NRAP: variants seen among roughly 807,000 people sequenced by gnomAD.
The protein encoded by NRAP is nebulin-related-anchoring protein.
Under a neutral mutation model 225.9 loss-of-function variants are expected in NRAP, and 189 were observed. That is an observed-to-expected ratio of 0.84 (90% CI 0.74 to 0.94). The LOEUF (loss-of-function observed/expected upper bound fraction) is 0.94, where lower values mean the gene tolerates loss of function less well. Among genes scored for constraint, NRAP ranks in the 40% least tolerant of loss-of-function variants. The pLI, the probability that NRAP is intolerant of heterozygous loss-of-function variation, is 0.00. For synonymous variants in NRAP, 769 were observed against 790.7 expected, an observed-to-expected ratio of 0.97 and a Z score of 0.46; for missense variants, 2,176 against 2,168.7, an observed-to-expected ratio of 1.00 and a Z score of -0.07.
intron 9 of NRAP, among the ~76,000 whole-genome samples, chr10:113,648,100 T>C (rs1849690251): frequency 6.6e-6 from 1 of 152,116 alleles, no homozygotes; most frequent in Admixed American, 6.5e-5. Flanking sequence ...AAACAGCCCA[T>C]ATGGTGCCCT....
intron 32 of NRAP, 26 bp downstream of exon 32, chr10:113,608,388 A>G: frequency 6.9e-7 from 1 of 1,451,154 alleles, no homozygotes; most frequent in Non-Finnish European, 9.6e-7. Flanking sequence ...TAAAAAGACC[A>G]TTCCAAAGCC....
chr10:113,637,392 C>T (rs1442804236), intron 14 of NRAP, among the ~76,000 whole-genome samples: 2 of 152,206 alleles, frequency 1.3e-5, no homozygotes, highest in Non-Finnish European at 2.9e-5. Flanking sequence ...CGCAAGGTGG[C>T]TCTATACCTA....
At chr10:113,597,395 T>C (rs1345302560) in intron 36 of NRAP, among the ~76,000 whole-genome samples, 3 of 152,118 alleles carry the variant, frequency 2.0e-5, no homozygotes, top group Non-Finnish European at 4.4e-5. Context: ...TTTACTCTCT[T>C]GAAGAGAGAG....
chr10:113,596,970 G>C (rs1324947659), intron 37 of NRAP, 116 bp downstream of exon 37: 4 of 709,106 alleles, frequency 5.6e-6, no homozygotes, highest in Non-Finnish European at 1.0e-5. Flanking sequence ...AGATCATCCA[G>C]GTAGTAGAAA....
In NRAP at chr10:113,597,896, TA is replaced by T; in HGVS notation, c.4332+72del. 3.5e-6 allele frequency: 4 copies of T among 1,132,690 alleles called. No individual in the cohort carries two copies. In the Admixed American group the frequency reaches 6.7e-5, roughly 19 times the overall value. The allele number at this position is 1,132,690 out of a possible 1,614,324, so 70.2% of individuals were successfully genotyped here. ...GAGGTCCTTTGGGTTCTCCACTCCA[TA>T]AACAGATTCCCTCTTCAAAAGGAAA... On this transcript the variant is annotated intron_variant, in intron 36 of 41. Transcript: ENST00000359988.
intron 35 of NRAP, among the ~76,000 whole-genome samples, chr10:113,598,301 CA>C (rs1383822069): frequency 2.7e-5 from 4 of 148,064 alleles, no homozygotes; most frequent in Non-Finnish European, 5.9e-5. Context: ...AAGGTCCCAC[CA>C]GTGAATTGGC....
At chr10:113,622,801 C>T (rs1848075937) in intron 23 of NRAP, among the ~76,000 whole-genome samples, 1 of 152,208 alleles carries the variant, frequency 6.6e-6, no homozygotes, top group Non-Finnish European at 1.5e-5. Flanking sequence ...CAAGTGCATC[C>T]ACAGACCAGT....
chr10:113,607,462 A>G (rs1847065132), intron 32 of NRAP, among the ~76,000 whole-genome samples: 1 of 150,724 alleles, frequency 6.6e-6, no homozygotes, highest in Non-Finnish European at 1.5e-5. Context: ...AAAGAAAAAG[A>G]AAAAAAGAAA....
At position 113,640,274 on chromosome 10, in the gene NRAP, G is replaced by A; in HGVS notation, c.1381C>T (p.Leu461Phe). The A allele has an allele frequency of 1.2e-6, 2 of 1,605,076 alleles. No individual in the cohort carries two copies. Among genetic ancestry groups the A allele is most frequent in the Non-Finnish European group, 1.7e-6 (2 of 1,176,088 alleles). The part of the protein sequence containing the change: ...DIVDYNYPAT[L>F]TPSYQTAMKL... ...ATAGCTGTTTGATAGGAAGGCGTGA[G>A]AGTGGCTGGGTAGTTGTAGTCGACA... Residue 461 changes from leucine (L) to phenylalanine (F), a missense_variant, in exon 14 of 42, where the codon CTC becomes TTC. Physicochemically the swap from Leu to Phe is conservative, Grantham distance 22. Coordinates refer to ENST00000359988, the MANE Select transcript of NRAP (RefSeq NM_198060.4).
chr10:113,618,930 A>T (rs1847823116), intron 25 of NRAP, among the ~76,000 whole-genome samples: 1 of 152,148 alleles, frequency 6.6e-6, no homozygotes, highest in Non-Finnish European at 1.5e-5. Context: ...TGGTTAACAG[A>T]ACAAGACTCC....
At position 113,624,855 on chromosome 10, in the gene NRAP, C is replaced by T. The variant is rs1175665147; in HGVS notation, c.2320G>A (p.Ala774Thr). Residue 774 changes from alanine (A) to threonine (T), a missense_variant, in exon 22 of 42, where the codon GCC (alanine) becomes ACC (threonine). By Grantham distance (58) the Ala-to-Thr change is moderately conservative. Coordinates refer to ENST00000359988, the MANE Select transcript of NRAP (RefSeq NM_198060.4). ...ISKDEPLFLQ[A>T]RANAANLSEK... The stretch of plus-strand genomic sequence containing the variant: ...CTGAGATTTGCAGCATTGGCTCGGG[C>T]CTGCAGGAAGAGAGGCTCGTCTTTG... 4 of 1,613,964 alleles carry T rather than the reference C, an allele frequency of 2.5e-6. No homozygotes were observed. The highest frequency in any genetic ancestry group is 2.5e-6 in the Non-Finnish European group (3 of 1,179,950).
At position 113,604,788 on chromosome 10, in the gene NRAP, C is replaced by T; in HGVS notation, c.4048G>A (p.Ala1350Thr). The T allele has an allele frequency of 1.2e-6, 2 of 1,614,138 alleles. No homozygotes were observed. The highest frequency in any genetic ancestry group is 1.3e-5 in the African/African-American group (1 of 75,036). Residue 1350 changes from alanine (A) to threonine (T), a missense_variant, in exon 35 of 42, where the codon GCG becomes ACG. Physicochemically the swap from Ala to Thr is moderately conservative, Grantham distance 58. Around this residue, in one of 3 missense-constraint regions of NRAP, gnomAD observed 1,708 missense variants for 1,695.5 expected, o/e 1.01. Transcript: ENST00000359988. ...TGGAACTGGGCTTGGCTGCTGGTCG[C>T]CCCCCTCCTGTACTGAAGCTCGCTC... is the stretch of plus-strand genomic sequence containing the variant. The part of the protein sequence containing the change: ...LQSELQYRRG[A>T]TSSQAQFHLP...
intron 12 of NRAP, among the ~76,000 whole-genome samples, chr10:113,642,108 AG>A (rs1159583567): frequency 6.6e-6 from 1 of 152,212 alleles, no homozygotes; most frequent in Non-Finnish European, 1.5e-5. Context: ...CGGTACTGCT[AG>A]TGTTTAAACA....
At chr10:113,630,388 G>A (rs1487197137) in intron 18 of NRAP, among the ~76,000 whole-genome samples, 1 of 152,172 alleles carries the variant, frequency 6.6e-6, no homozygotes, top group African/African-American at 2.4e-5. Context: ...AGCAATGATG[G>A]TGATTGATGA....
chr10:113,631,510 T>A lies in NRAP; in HGVS notation c.1841A>T (p.Glu614Val). 6.3e-7 allele frequency: 1 copy of A among 1,590,832 alleles called. No homozygotes were observed. Among genetic ancestry groups the A allele is most frequent in the Non-Finnish European group, 8.6e-7 (1 of 1,166,144 alleles). ...HSLQIAKMSS[E>V]VEYKKGFEES... ...GTTGGGGGTTAGAAAAGAGTTTACC[T>A]CACTGCTCATCTTAGCAATCTGCAG... Residue 614 changes from glutamate to valine, a missense_variant and splice_region_variant, in exon 18 of 42, where the codon GAG becomes GTG. Around this residue, in one of 3 missense-constraint regions of NRAP, gnomAD observed 1,708 missense variants for 1,695.5 expected, o/e 1.01. Coordinates refer to ENST00000359988, the MANE Select transcript of NRAP (RefSeq NM_198060.4).
Position 113,592,190 on chromosome 10 carries a change from T to C in NRAP, c.4644+4A>G, listed in dbSNP as rs765401903. On this transcript the variant is annotated splice_donor_region_variant and intron_variant, in intron 39 of 41. Transcript: ENST00000359988. The stretch of plus-strand genomic sequence containing the variant: ...GACCGCAGGAGAGAACATGGGGGTC[T>C]TACATCACTGGCGATCTCCCTAGAT... The C allele has an allele frequency of 7.6e-6, 12 of 1,588,438 alleles. No individual in the cohort carries two copies. The South Asian group carries it at 7.8e-5, about 10-fold the overall frequency.
At chr10:113,601,920 C>T (rs1339322498) in intron 35 of NRAP, among the ~76,000 whole-genome samples, 1 of 152,210 alleles carries the variant, frequency 6.6e-6, no homozygotes, top group Non-Finnish European at 1.5e-5. Flanking sequence ...CTCTGGTTTT[C>T]TGTCACCCAG....
chr10:113,592,408 C>A (rs11196390), intron 38 of NRAP, 107 bp from the exon 39 acceptor site: 1 of 667,822 alleles, frequency 1.5e-6, no homozygotes, highest in Non-Finnish European at 2.6e-6. Flanking sequence ...GTTCCTAGGA[C>A]GGCACAGCCT....
At chr10:113,613,874 C>A (rs147329750) in intron 29 of NRAP, among the ~76,000 whole-genome samples, 1 of 151,970 alleles carries the variant, frequency 6.6e-6, no homozygotes, top group African/African-American at 2.4e-5. Context: ...ACTCTGCAGA[C>A]GAAATGAAAG....
Sources: gnomAD v4.1 joint callset for allele counts (sites outside exome capture counted in the v4.1 genomes callset) on GRCh38, gnomAD v4.1.1 for gene constraint, gnomAD v4.1.1 regional missense constraint, MANE v1.5 for transcripts, NCBI Gene and HGNC (gene_info 2026-07-23, HGNC 2026-07-21) for gene names.